Variants in DIP2A observed in about 807,000 individuals in gnomAD.
The protein encoded by DIP2A is disco-interacting protein 2 homolog A.
In DIP2A, 85 loss-of-function variants were observed where a neutral mutation model predicts 177.4. The ratio of observed to expected loss-of-function variants is 0.48; its 90% confidence interval spans 0.40 to 0.57. The LOEUF (loss-of-function observed/expected upper bound fraction) is 0.57, where lower values mean the gene tolerates loss of function less well. Ranked by LOEUF, DIP2A falls within the 20% of genes least tolerant of loss-of-function variation. The pLI is 0.00. For synonymous variants in DIP2A, 886 were observed against 881.8 expected (o/e 1.00, Z -0.08); for missense variants, 1,791 against 2,100.2 (o/e 0.85, Z 2.88).
At chr21:46,535,908 G>C (rs1313963042) in intron 13 of DIP2A, among the ~76,000 whole-genome samples, 1 of 152,126 alleles carries the variant, frequency 6.6e-6, no homozygotes, top group Non-Finnish European at 1.5e-5. Context: ...CCAGGTATCT[G>C]CACGAAGTTT....
intron 8 of DIP2A, among the ~76,000 whole-genome samples, chr21:46,513,946 A>G (rs1346539564): frequency 6.6e-6 from 1 of 152,168 alleles, no homozygotes; most frequent in East Asian, 1.9e-4. Flanking sequence ...CTTCCAGTTT[A>G]TGATTGTGGA....
chr21:46,505,293 T>C (rs893540182), intron 6 of DIP2A, among the ~76,000 whole-genome samples: 1 of 152,164 alleles, frequency 6.6e-6, no homozygotes. Context: ...GTAATTGACA[T>C]AATGAATTGC....
At chr21:46,577,216 C>T in the DIP2A span, among the ~76,000 whole-genome samples, 9,276 of 152,158 alleles carry the variant, frequency 0.061, 761 homozygotes, top group African/African-American at 0.19. Context: ...GTGCCTATGT[C>T]CTGAATGGTA....
At position 46,554,174 on chromosome 21, in the gene DIP2A, C is replaced by T. The variant is rs371134930; in HGVS notation, c.3036C>T (p.Thr1012=). The change falls in exon 26 of 38, where the codon ACC becomes ACT. Residue 1012 remains threonine, a synonymous_variant. Coordinates refer to ENST00000417564, the MANE Select transcript of DIP2A (RefSeq NM_015151.4). ...PLFLLLNAKG[T]VTSTATCVQL... ...CTCAAAGATCGCTTTCCTAGGGCAC[C>T]GTCACAAGCACTGCAACCTGTGTCC... 2.0e-5 allele frequency: 33 copies of T among 1,613,502 alleles called. No individual in the cohort carries two copies. Among genetic ancestry groups the T allele is most frequent in the East Asian group, 1.3e-4 (6 of 44,900 alleles).
intron 12 of DIP2A, 118 bp downstream of exon 12, chr21:46,534,231 G>A (rs1351115025): frequency 1.2e-5 from 9 of 774,388 alleles, no homozygotes; most frequent in African/African-American, 1.7e-5. Flanking sequence ...AAGAGTTCTT[G>A]TTTTATCTCT....
intron 3 of DIP2A, among the ~76,000 whole-genome samples, chr21:46,492,982 G>GC (rs1321234135): frequency 6.6e-6 from 1 of 151,140 alleles, no homozygotes; most frequent in Non-Finnish European, 1.5e-5. Context: ...GCTGGCCCCC[G>GC]CCCTGCCCCA....
chr21:46,533,969 T>G (rs1025898605), intron 11 of DIP2A, 35 bp from the exon 12 acceptor site: 80 of 1,573,570 alleles, frequency 5.1e-5, no homozygotes, highest in Non-Finnish European at 6.8e-5. Flanking sequence ...TGCCTCTGAC[T>G]GCTTGCTGTT....
chr21:46,539,561 C>G (rs1042534408), intron 16 of DIP2A: 1 of 388,780 alleles, frequency 2.6e-6, no homozygotes, highest in African/African-American at 2.1e-5. Context: ...ATGGCACTCC[C>G]CTGTTGCTGC....
rs367610403 is a variant in DIP2A, at chr21:46,538,572, A to G, written c.1891A>G (p.Met631Val). Residue 631 changes from methionine (M) to valine (V), a missense_variant, in exon 16 of 38, where the codon ATG becomes GTG. By Grantham distance (21) the Met-to-Val change is conservative. Coordinates refer to ENST00000417564, the MANE Select transcript of DIP2A (RefSeq NM_015151.4). ...GGACGTCAGCCTCAGCTCACTGCGCATGCTGATTGTGGCCGATGGTGCCAA... is the reference window on the plus strand; with the variant it reads ...GGACGTCAGCCTCAGCTCACTGCGCGTGCTGATTGTGGCCGATGGTGCCAA... The part of the protein sequence containing the change: ...QRDVSLSSLR[M>V]LIVADGANPW... 23 of 1,561,296 alleles carry G rather than the reference A, an allele frequency of 1.5e-5. No individual in the cohort carries two copies. Among genetic ancestry groups the G allele is most frequent in the Middle Eastern group, 1.7e-4 (1 of 6,004 alleles).
In DIP2A at chr21:46,504,409, C is replaced by T. The variant is rs370732492; in HGVS notation, c.704C>T (p.Ser235Leu). The T allele has an allele frequency of 4.0e-5, 65 of 1,613,826 alleles. No homozygotes were observed. Among genetic ancestry groups the T allele is most frequent in the South Asian group, 1.3e-4 (12 of 91,030 alleles). Residue 235 changes from serine to leucine, a missense_variant, in exon 6 of 38, where the codon TCG (serine) becomes TTG (leucine). Coordinates refer to ENST00000417564, the MANE Select transcript of DIP2A (RefSeq NM_015151.4). Reference protein sequence around the residue: ...PDVTTGLVEHSYFERPQVASV... With the variant: ...PDVTTGLVEHLYFERPQVASV... ...GTCACCACGGGCCTCGTGGAGCATT[C>T]GTACTTTGAGCGTCCACAGGTGGCT...
At chr21:46,558,170 C>G in intron 31 of DIP2A, 53 bp from the exon 32 acceptor site, 1 of 1,548,338 alleles carries the variant, frequency 6.5e-7, no homozygotes, top group South Asian at 1.2e-5. Flanking sequence ...TGCCCAGGGC[C>G]CTGGCAACTC....
chr21:46,556,166 G>A lies in DIP2A; in HGVS notation c.3498+75G>A, dbSNP rs1047483109. The A allele has an allele frequency of 3.5e-6, 5 of 1,445,404 alleles. No individual in the cohort carries two copies. The highest frequency in any genetic ancestry group is 2.3e-5 in the East Asian group (1 of 43,994). The allele number at this position is 1,445,404 out of a possible 1,614,324, so 89.5% of individuals were successfully genotyped here. On this transcript the variant is annotated intron_variant, in intron 29 of 37. Transcript: ENST00000417564. The surrounding 1 kb of genome is among the most constrained non-coding windows in gnomAD (Gnocchi z 4.5). ...GTGGACAGAAAGGATGTCAGATGCA[G>A]ATTTAAACTGACAGGTCCTTCTTAT...
chr21:46,505,581 C>T (rs1448385209), intron 6 of DIP2A, among the ~76,000 whole-genome samples: 1 of 152,130 alleles, frequency 6.6e-6, no homozygotes, highest in Non-Finnish European at 1.5e-5. Context: ...TTCACTCCAG[C>T]CTGGGCGATA....
chr21:46,554,498 C>T, intron 26 of DIP2A, 77 bp from the exon 27 acceptor site: 1 of 1,574,710 alleles, frequency 6.4e-7, no homozygotes, highest in South Asian at 1.1e-5. Context: ...CCCCTCCTCT[C>T]TCGCAGGAAC....
chr21:46,525,140 G>A (rs2059020285), intron 8 of DIP2A, among the ~76,000 whole-genome samples: 1 of 151,966 alleles, frequency 6.6e-6, no homozygotes, highest in Non-Finnish European at 1.5e-5. Flanking sequence ...ACCTGCCTTG[G>A]CCTCCCAGAG....
At chr21:46,561,007 C>T (rs1193424755) in intron 33 of DIP2A, 2 of 985,416 alleles carry the variant, frequency 2.0e-6, no homozygotes, top group Non-Finnish European at 1.2e-6. Context: ...CCGGGCGTGC[C>T]TCCCAGGGGA....
chr21:46,461,853 A>G (rs1235877496), intron 1 of DIP2A, among the ~76,000 whole-genome samples: 1 of 151,158 alleles, frequency 6.6e-6, no homozygotes, highest in Non-Finnish European at 1.5e-5. Context: ...TGAGCCCAGG[A>G]GTTTGAGACC....
intron 20 of DIP2A, 22 bp downstream of exon 20, chr21:46,545,983 A>T: frequency 4.3e-6 from 7 of 1,613,906 alleles, no homozygotes; most frequent in Non-Finnish European, 2.5e-6. Flanking sequence ...CTCCTGTACC[A>T]GCACTGGCAG....
At chr21:46,527,122 T>C (rs1196184834) in intron 8 of DIP2A, among the ~76,000 whole-genome samples, 1 of 152,234 alleles carries the variant, frequency 6.6e-6, no homozygotes, top group Non-Finnish European at 1.5e-5. Flanking sequence ...GATTGTTTTA[T>C]TTTTCACCTT....
Sources: allele counts gnomAD v4.1 joint callset (sites outside exome capture counted in the v4.1 genomes callset), GRCh38; gene constraint gnomAD v4.1.1; non-coding constraint Gnocchi (gnomAD v3.1); transcripts MANE v1.5; gene names NCBI Gene and HGNC (gene_info 2026-07-23, HGNC 2026-07-21).